The following SP6 variants were observed in gnomAD, a reference collection of about 807,000 sequenced individuals.
SP6 encodes Sp6 transcription factor, also known as transcription factor Sp6.
Under a neutral mutation model 23.4 loss-of-function variants are expected in SP6, and 10 were observed. The observed-to-expected ratio is 0.43, with a 90% CI of 0.26 to 0.72. The LOEUF (loss-of-function observed/expected upper bound fraction) is 0.72, where lower values mean the gene tolerates loss of function less well. Among genes scored for constraint, SP6 ranks in the 30% least tolerant of loss-of-function variants. The pLI, the probability that SP6 is intolerant of heterozygous loss-of-function variation, is 0.23. For synonymous variants in SP6, 238 were observed against 238.7 expected (o/e 1.00, Z 0.03); for missense variants, 482 against 523.8 (o/e 0.92, Z 0.78).
At chr17:47,862,006 C>A in the SP6 span, among the ~76,000 whole-genome samples, 274 of 150,262 alleles carry the variant, frequency 1.8e-3, 1 homozygote, top group African/African-American at 6.3e-3. Flanking sequence ...GATCACACCA[C>A]TGCATTCCAG....
rs1002326914 is a variant in SP6 at position 47,846,640 on chromosome 17, C to A, written c.*659G>T. ...GCTGTCAGGAATGGCAGCCCTCTTT[C>A]CCTCTTCCTTCATGGCTCCAACAGA... On this transcript the variant is annotated 3_prime_UTR_variant, in exon 2 of 2. Coordinates refer to ENST00000536300, the MANE Select transcript of SP6 (RefSeq NM_001258248.2). 1 of 152,214 alleles carries A rather than the reference C, an allele frequency of 6.6e-6. No homozygotes were observed. The highest frequency in any genetic ancestry group is 2.1e-4 in the South Asian group (1 of 4,828). 9.4% of individuals were successfully genotyped at this position (152,214 alleles called of 1,614,324 possible).
At chr17:47,852,453 T>C (rs1040357646), upstream of SP6, among the ~76,000 whole-genome samples, 1 of 152,070 alleles carries the variant, frequency 6.6e-6, no homozygotes, top group African/African-American at 2.4e-5. Context: ...GCAGATTAAT[T>C]TCCCTATTTC....
the SP6 span, among the ~76,000 whole-genome samples, chr17:47,872,344 G>A: frequency 6.6e-6 from 1 of 152,154 alleles, no homozygotes; most frequent in Non-Finnish European, 1.5e-5. Context: ...GCTCCTCCCG[G>A]AGCCGGCTTG....
chr17:47,869,096 G>A, the SP6 span, among the ~76,000 whole-genome samples: 3 of 152,214 alleles, frequency 2.0e-5, no homozygotes, highest in African/African-American at 2.4e-5. Context: ...CTGCTTCTAT[G>A]AGCAGGAGCT....
At chr17:47,867,248 A>G in the SP6 span, among the ~76,000 whole-genome samples, 1 of 152,126 alleles carries the variant, frequency 6.6e-6, no homozygotes, top group Middle Eastern at 3.2e-3. Context: ...AGCTCAGGGA[A>G]TGACATTTCC....
chr17:47,846,111 C>T lies in SP6; in HGVS notation c.*1188G>A, dbSNP rs1268297274. The T allele has an allele frequency of 1.3e-5, 2 of 152,246 alleles. No homozygotes were observed. Among genetic ancestry groups the T allele is most frequent in the Non-Finnish European group, 2.9e-5 (2 of 68,058 alleles). The allele number at this position is 152,246 out of a possible 1,614,324, so 9.4% of individuals were successfully genotyped here. A position where few individuals can be genotyped will look rare whatever the true frequency, so the allele number is the denominator to read the frequency against. Reference sequence around the variant, plus strand: ...CAGTGGGAGAACAACTCTTTCCTCTCCCTTCCCCTGTGAGATGAGGGGGAG... The same window carrying T: ...CAGTGGGAGAACAACTCTTTCCTCTTCCTTCCCCTGTGAGATGAGGGGGAG... On this transcript the variant is annotated 3_prime_UTR_variant, in exon 2 of 2. Transcript: ENST00000536300.
At chr17:47,861,975 G>T in the SP6 span, among the ~76,000 whole-genome samples, 49 of 151,356 alleles carry the variant, frequency 3.2e-4, no homozygotes, top group African/African-American at 1.1e-3. Context: ...AGCCCAGGAG[G>T]TCAAGGCTGC....
At chr17:47,861,863 T>C in the SP6 span, among the ~76,000 whole-genome samples, 6,753 of 151,736 alleles carry the variant, frequency 0.045, 185 homozygotes, top group African/African-American at 0.082. Context: ...TTGGGCAACA[T>C]AGCCAGACCC....
Position 47,848,014 on chromosome 17 carries a change from A to C in SP6, c.416T>G (p.Leu139Arg). 1 of 1,608,460 alleles carries C rather than the reference A, an allele frequency of 6.2e-7. No individual in the cohort carries two copies. The highest frequency in any genetic ancestry group is 8.5e-7 in the Non-Finnish European group (1 of 1,177,912). Residue 139 changes from leucine (L) to arginine (R), a missense_variant, in exon 2 of 2, where the codon CTG becomes CGG. Leu to Arg is a moderately radical substitution (Grantham distance 102). Around this residue, in one of 3 missense-constraint regions of SP6, gnomAD observed 330 missense variants for 332.3 expected, o/e 0.99. Transcript: ENST00000536300. The surrounding 1 kb of genome is among the most constrained non-coding windows in gnomAD (Gnocchi z 5.3). The part of the protein sequence containing the change: ...WMDLPHTQGA[L>R]TSPGHPGALQ... ...CGCCCCCGGGTGGCCAGGTGAGGTC[A>C]GCGCGCCCTGAGTGTGGGGGAGGTC...
At chr17:47,871,239 G>C in the SP6 span, among the ~76,000 whole-genome samples, 4 of 152,332 alleles carry the variant, frequency 2.6e-5, no homozygotes, top group Non-Finnish European at 5.9e-5. Context: ...CCCTAGAAGA[G>C]AGGAGTCAGC....
the SP6 span, among the ~76,000 whole-genome samples, chr17:47,874,231 C>A: frequency 7.2e-5 from 11 of 152,144 alleles, no homozygotes; most frequent in Admixed American, 5.9e-4. Flanking sequence ...GGAGTACAGG[C>A]GTGCACCACC....
At chr17:47,862,725 T>A in the SP6 span, among the ~76,000 whole-genome samples, 1 of 152,210 alleles carries the variant, frequency 6.6e-6, no homozygotes, top group African/African-American at 2.4e-5. Flanking sequence ...GGCATTGATC[T>A]ATGAACCTGG....
At chr17:47,874,927 T>C in the SP6 span, among the ~76,000 whole-genome samples, 4 of 152,070 alleles carry the variant, frequency 2.6e-5, no homozygotes, top group African/African-American at 7.2e-5. Context: ...TGCCCAAACC[T>C]GTGGTCAGCA....
the SP6 span, among the ~76,000 whole-genome samples, chr17:47,870,227 A>G: frequency 6.6e-6 from 1 of 152,180 alleles, no homozygotes; most frequent in Non-Finnish European, 1.5e-5. Context: ...GATAACTGGG[A>G]TCCCTGCTGT....
chr17:47,861,261 C>A, the SP6 span, among the ~76,000 whole-genome samples: 1 of 152,166 alleles, frequency 6.6e-6, no homozygotes, highest in South Asian at 2.1e-4. Context: ...GCAGAGGCTG[C>A]CCCTCTGGCC....
the SP6 span, among the ~76,000 whole-genome samples, chr17:47,865,688 T>C: frequency 1.1e-4 from 16 of 152,152 alleles, no homozygotes; most frequent in Non-Finnish European, 1.8e-4. Context: ...GGACTTTTGT[T>C]AGCACCTTTA....
At chr17:47,870,790 C>T in the SP6 span, among the ~76,000 whole-genome samples, 7 of 152,080 alleles carry the variant, frequency 4.6e-5, no homozygotes, top group African/African-American at 1.2e-4. Flanking sequence ...GAAACTCTGC[C>T]GGTTTTGTGT....
the SP6 span, among the ~76,000 whole-genome samples, chr17:47,862,663 C>G: frequency 9.1e-4 from 138 of 152,330 alleles, 1 homozygote; most frequent in Non-Finnish European, 1.5e-3. Flanking sequence ...CCTGCTGAAT[C>G]CTTCCTATTC....
upstream of SP6, among the ~76,000 whole-genome samples, chr17:47,853,492 C>T (rs2033976853): frequency 6.6e-6 from 1 of 152,218 alleles, no homozygotes; most frequent in Admixed American, 6.5e-5. Flanking sequence ...CCTGCTGGTG[C>T]TGCATCTACT....
Sources: gnomAD v4.1 joint callset for allele counts (sites outside exome capture counted in the v4.1 genomes callset) on GRCh38, gnomAD v4.1.1 for gene constraint, gnomAD v4.1.1 regional missense constraint, Gnocchi (gnomAD v3.1) non-coding constraint, MANE v1.5 for transcripts, NCBI Gene and HGNC (gene_info 2026-07-23, HGNC 2026-07-21) for gene names.